NME7: variants seen among roughly 807,000 people sequenced by gnomAD.
The protein encoded by NME7 is nucleoside diphosphate kinase 7.
NME7 carries 41 observed loss-of-function variants against 49.1 expected under a neutral mutation model. That is an observed-to-expected ratio of 0.83 (90% CI 0.65 to 1.08). The LOEUF (loss-of-function observed/expected upper bound fraction) is 1.08. Ranked by LOEUF, NME7 falls within the 50% of genes least tolerant of loss-of-function variation. The pLI is 0.00. For missense variants in NME7, 423 were observed against 463.4 expected, an observed-to-expected ratio of 0.91 and a Z score of 0.80; for synonymous variants, 139 against 150.6, an observed-to-expected ratio of 0.92 and a Z score of 0.56.
intron 6 of NME7, among the ~76,000 whole-genome samples, chr1:169,289,029 C>T (rs577755937): frequency 2.0e-5 from 3 of 152,260 alleles, no homozygotes; most frequent in Non-Finnish European, 2.9e-5. Context: ...TTTTCCATTT[C>T]CATTTTTACT....
At chr1:169,336,026 G>T (rs532632408) in intron 1 of NME7, among the ~76,000 whole-genome samples, 117 of 152,002 alleles carry the variant, frequency 7.7e-4, no homozygotes, top group African/African-American at 2.8e-3. Flanking sequence ...TTAAGGTGGC[G>T]CATCCGGAGT....
chr1:169,324,340 G>A, intron 2 of NME7, 53 bp downstream of exon 2: 1 of 1,111,282 alleles, frequency 9.0e-7, no homozygotes, highest in African/African-American at 1.5e-5. Flanking sequence ...AAAGGCAATG[G>A]TTCCCATGTT....
intron 1 of NME7, 50 bp downstream of exon 1, chr1:169,367,658 T>C (rs904713714): frequency 6.2e-7 from 1 of 1,613,004 alleles, no homozygotes; most frequent in Non-Finnish European, 8.5e-7. Flanking sequence ...CTTGGAAAGC[T>C]AAGTAAGTAG....
At chr1:169,149,829 A>G (rs754184964) in intron 11 of NME7, among the ~76,000 whole-genome samples, 9 of 152,214 alleles carry the variant, frequency 5.9e-5, no homozygotes, top group Non-Finnish European at 1.3e-4. Flanking sequence ...TTTTTGAACT[A>G]CAGTTGATTG....
intron 7 of NME7, among the ~76,000 whole-genome samples, chr1:169,249,159 A>G (rs753358023): frequency 1.3e-5 from 2 of 151,920 alleles, no homozygotes; most frequent in African/African-American, 2.4e-5. Context: ...TATGATTTCT[A>G]TCAGCAGTGT....
chr1:169,157,024 G>A lies in NME7; in HGVS notation c.1098+12423C>T, dbSNP rs565591627. Among the ~76,000 whole-genome samples, 3 of 152,330 alleles carry A rather than the reference G, an allele frequency of 2.0e-5. No individual in the cohort carries two copies. In the South Asian group the frequency reaches 6.2e-4, roughly 32 times the overall value. Reference sequence around the variant, plus strand: ...TTTACTTGAATAAACAGCAATGAAAGAAGATGCTGGTGGACGTGGCCTTTT... The same window carrying A: ...TTTACTTGAATAAACAGCAATGAAAAAAGATGCTGGTGGACGTGGCCTTTT... On this transcript the variant is annotated intron_variant, in intron 11 of 11. Coordinates refer to ENST00000367811, the MANE Select transcript of NME7 (RefSeq NM_013330.5).
At chr1:169,164,058 C>T (rs1237378736) in intron 11 of NME7, among the ~76,000 whole-genome samples, 1 of 149,568 alleles carries the variant, frequency 6.7e-6, no homozygotes. Flanking sequence ...TGCAGTGAGT[C>T]GAGACTGCAC....
intron 5 of NME7, among the ~76,000 whole-genome samples, chr1:169,302,678 G>A (rs1405848276): frequency 6.6e-6 from 1 of 151,862 alleles, no homozygotes; most frequent in Non-Finnish European, 1.5e-5. Context: ...CAGTACCTGG[G>A]TAATGGGATC....
rs76841885 is a variant in NME7 at position 169,340,067 on chromosome 1, T to G, written c.4-15567A>C. Among the ~76,000 whole-genome samples, 758 of 152,318 alleles carry G rather than the reference T, an allele frequency of 5.0e-3. 3 individuals carry two copies. Among genetic ancestry groups the G allele is most frequent in the Middle Eastern group, 0.01 (3 of 294 alleles). ...TAGTTTCTCTTACTCTGCCCATACC[T>G]TTGTAACTAGTCCCTTCAGTAAACT... On this transcript the variant is annotated intron_variant, in intron 1 of 11. Transcript: ENST00000367811.
At chr1:169,330,986 G>A (rs969109937) in intron 1 of NME7, among the ~76,000 whole-genome samples, 1 of 152,012 alleles carries the variant, frequency 6.6e-6, no homozygotes, top group Non-Finnish European at 1.5e-5. Context: ...ACCAAAACCA[G>A]ACAATGACAC....
At chr1:169,359,437 T>C (rs867861370) in intron 1 of NME7, among the ~76,000 whole-genome samples, 3 of 151,812 alleles carry the variant, frequency 2.0e-5, no homozygotes, top group East Asian at 2.0e-4. Flanking sequence ...ATGAATATAA[T>C]AGAATCATAT....
chr1:169,248,937 T>G (rs868368907), intron 7 of NME7, among the ~76,000 whole-genome samples: 2 of 151,676 alleles, frequency 1.3e-5, no homozygotes, highest in Non-Finnish European at 2.9e-5. Context: ...TTGTTTGTTT[T>G]TTTGCATAGG....
chr1:169,171,427 A>G (rs1368208567), intron 10 of NME7, among the ~76,000 whole-genome samples: 1 of 152,132 alleles, frequency 6.6e-6, no homozygotes, highest in Non-Finnish European at 1.5e-5. Flanking sequence ...TTACTTTCAT[A>G]TAAGTGTCTG....
chr1:169,196,597 T>C (rs1660387415), intron 10 of NME7, among the ~76,000 whole-genome samples: 1 of 152,182 alleles, frequency 6.6e-6, no homozygotes, highest in Non-Finnish European at 1.5e-5. Context: ...AGAAAATCAT[T>C]AGGATACTTT....
chr1:169,244,598 T>C (rs909477268), intron 7 of NME7, among the ~76,000 whole-genome samples: 1 of 136,554 alleles, frequency 7.3e-6, no homozygotes, highest in African/African-American at 2.8e-5. Flanking sequence ...ATTGCACCAC[T>C]GCACTCCAGC....
At chr1:169,241,902 T>C (rs1277247092) in intron 7 of NME7, among the ~76,000 whole-genome samples, 6 of 151,710 alleles carry the variant, frequency 4.0e-5, no homozygotes, top group Admixed American at 3.3e-4. Context: ...TACACTCCAA[T>C]AGCCCTTATA....
intron 7 of NME7, among the ~76,000 whole-genome samples, chr1:169,281,601 G>A (rs980509702): frequency 9.2e-5 from 14 of 152,180 alleles, no homozygotes; most frequent in South Asian, 6.2e-4. Context: ...GTCATAAATC[G>A]CTCTTATTAT....
chr1:169,221,378 G>A (rs1661137022), intron 10 of NME7, among the ~76,000 whole-genome samples: 1 of 152,022 alleles, frequency 6.6e-6, no homozygotes, highest in Non-Finnish European at 1.5e-5. Flanking sequence ...GAGGACCTAT[G>A]AGATCTGCCC....
At position 169,162,038 on chromosome 1, in the gene NME7, C is replaced by A. The variant is rs191590134; in HGVS notation, c.1098+7409G>T. On this transcript the variant is annotated intron_variant, in intron 11 of 11. Coordinates refer to ENST00000367811, the MANE Select transcript of NME7 (RefSeq NM_013330.5). The stretch of plus-strand genomic sequence containing the variant: ...ACTTATGACTCAACTGATCCTGTGG[C>A]CCCACCCAGAGGTAGACTCAGCACA... Among the ~76,000 whole-genome samples, 58 of 152,270 alleles carry A rather than the reference C, an allele frequency of 3.8e-4. No homozygotes were observed. In the East Asian group the frequency reaches 0.01, roughly 27 times the overall value.
Sources: gnomAD v4.1 joint callset for allele counts (sites outside exome capture counted in the v4.1 genomes callset) on GRCh38, gnomAD v4.1.1 for gene constraint, MANE v1.5 for transcripts, NCBI Gene and HGNC (gene_info 2026-07-23, HGNC 2026-07-21) for gene names.